The following LINGO2 variants were observed in gnomAD, a reference collection of about 807,000 sequenced individuals.
LINGO2 encodes the protein leucine-rich repeat and immunoglobulin-like domain-containing nogo receptor-interacting protein 2.
In LINGO2, 14 loss-of-function variants were observed where a neutral mutation model predicts 30.6. That is an observed-to-expected ratio of 0.46 (90% CI 0.30 to 0.72). The LOEUF (loss-of-function observed/expected upper bound fraction) is 0.72, where lower values mean the gene tolerates loss of function less well. LINGO2 is among the 30% of genes least tolerant of loss of function. The pLI is 0.07. For synonymous variants in LINGO2, 317 were observed against 288.5 expected (o/e 1.10, Z -1.00); for missense variants, 729 against 751.7 (o/e 0.97, Z 0.35).
chr9:28,553,596 T>C (rs1280793282), intron 1 of LINGO2, among the ~76,000 whole-genome samples: 2 of 152,078 alleles, frequency 1.3e-5, no homozygotes, highest in African/African-American at 2.4e-5. Context: ...CCAGGAGAAC[T>C]TCCTCAACCT....
At chr9:27,979,723 T>G (rs1820765892) in intron 5 of LINGO2, among the ~76,000 whole-genome samples, 2 of 152,048 alleles carry the variant, frequency 1.3e-5, no homozygotes, top group Admixed American at 6.6e-5. Context: ...GGAAGAGCAT[T>G]CCACTGGGAT....
At chr9:28,588,444 C>T (rs1824681575) in intron 1 of LINGO2, among the ~76,000 whole-genome samples, 1 of 151,826 alleles carries the variant, frequency 6.6e-6, no homozygotes, top group Non-Finnish European at 1.5e-5. Context: ...AAAGGGGCTT[C>T]CTGGAATTAT....
chr9:28,988,518 C>A, the LINGO2 span, among the ~76,000 whole-genome samples: 1 of 151,376 alleles, frequency 6.6e-6, no homozygotes, highest in African/African-American at 2.4e-5. Context: ...TGAATTTAAT[C>A]CATCTACACT....
At chr9:27,969,633 G>A (rs1270195516) in intron 5 of LINGO2, among the ~76,000 whole-genome samples, 1 of 152,052 alleles carries the variant, frequency 6.6e-6, no homozygotes, top group African/African-American at 2.4e-5. Flanking sequence ...AGGACTTGCA[G>A]CAAAGAAGTG....
the LINGO2 span, among the ~76,000 whole-genome samples, chr9:29,067,147 G>A: frequency 6.6e-6 from 1 of 151,726 alleles, no homozygotes; most frequent in African/African-American, 2.4e-5. Flanking sequence ...TATAAATGAG[G>A]GAGAGTATTA....
At chr9:28,714,188 TACACACATACACACACACACATACGCAC>T in the LINGO2 span, among the ~76,000 whole-genome samples, 21 of 73,222 alleles carry the variant, frequency 2.9e-4, no homozygotes, top group East Asian at 2.3e-3. Flanking sequence ...TATATATATA[TACACACATACACACACACACATACGCAC>T]ATATACATAT....
At chr9:29,135,558 C>CAA in the LINGO2 span, among the ~76,000 whole-genome samples, 111 of 108,204 alleles carry the variant, frequency 1.0e-3, no homozygotes, top group South Asian at 1.8e-3. Context: ...ATTCCATCTC[C>CAA]AAAAAAAAAA....
At chr9:27,951,777 G>A (rs968361657) in intron 5 of LINGO2, among the ~76,000 whole-genome samples, 5 of 152,062 alleles carry the variant, frequency 3.3e-5, no homozygotes, top group Admixed American at 6.5e-5. Context: ...AGATAAAGAA[G>A]TATTTCATAA....
chr9:29,145,583 A>G, the LINGO2 span, among the ~76,000 whole-genome samples: 1 of 152,198 alleles, frequency 6.6e-6, no homozygotes, highest in African/African-American at 2.4e-5. Context: ...ATTAAATTTT[A>G]GCCTAAGCCA....
the LINGO2 span, among the ~76,000 whole-genome samples, chr9:28,748,521 G>C: frequency 6.6e-6 from 1 of 151,898 alleles, no homozygotes; most frequent in Non-Finnish European, 1.5e-5. Flanking sequence ...TTTTGTTATT[G>C]AGAGTGGAAG....
At chr9:28,202,855 A>G (rs1020493268) in intron 4 of LINGO2, among the ~76,000 whole-genome samples, 1 of 152,198 alleles carries the variant, frequency 6.6e-6, no homozygotes, top group African/African-American at 2.4e-5. Context: ...TCAAACTTCC[A>G]GTAAACAAGT....
At chr9:28,937,306 ATTTG>A in the LINGO2 span, among the ~76,000 whole-genome samples, 1 of 152,144 alleles carries the variant, frequency 6.6e-6, no homozygotes, top group South Asian at 2.1e-4. Flanking sequence ...AGCATTTGAA[ATTTG>A]TTTGTGAATA....
the LINGO2 span, among the ~76,000 whole-genome samples, chr9:28,878,740 C>T: frequency 6.6e-6 from 1 of 152,124 alleles, no homozygotes; most frequent in African/African-American, 2.4e-5. Flanking sequence ...ACAAAAACCA[C>T]ATGATTATCT....
the LINGO2 span, among the ~76,000 whole-genome samples, chr9:28,887,242 T>G: frequency 1.3e-5 from 2 of 152,126 alleles, no homozygotes; most frequent in Admixed American, 6.6e-5. Context: ...AGTTCCATGT[T>G]ATTGATCTAC....
At chr9:29,047,705 A>C in the LINGO2 span, among the ~76,000 whole-genome samples, 1 of 152,210 alleles carries the variant, frequency 6.6e-6, no homozygotes, top group Non-Finnish European at 1.5e-5. Context: ...AGATTATATG[A>C]TCTTATATTT....
chr9:28,843,862 C>T, the LINGO2 span, among the ~76,000 whole-genome samples: 3 of 151,782 alleles, frequency 2.0e-5, no homozygotes, highest in Admixed American at 2.0e-4. Context: ...ATAGTGGAAT[C>T]AGAACGATTT....
chr9:28,325,840 A>T (rs966690779), intron 3 of LINGO2, among the ~76,000 whole-genome samples: 4 of 152,120 alleles, frequency 2.6e-5, no homozygotes, highest in Non-Finnish European at 4.4e-5. Context: ...AGTACCCTCC[A>T]GTACTATCCT....
the LINGO2 span, among the ~76,000 whole-genome samples, chr9:28,883,383 A>T: frequency 1.3e-5 from 2 of 151,326 alleles, no homozygotes; most frequent in Non-Finnish European, 2.9e-5. Context: ...CTTTAACCTC[A>T]GGTTGTTTAC....
At chr9:28,268,761 C>T (rs997443848) in intron 4 of LINGO2, among the ~76,000 whole-genome samples, 1 of 152,062 alleles carries the variant, frequency 6.6e-6, no homozygotes, top group Non-Finnish European at 1.5e-5. Context: ...GTCTATTAAA[C>T]TAGAACATGC....
Sources: allele counts gnomAD v4.1 joint callset (sites outside exome capture counted in the v4.1 genomes callset), GRCh38; gene constraint gnomAD v4.1.1; transcripts MANE v1.5; gene names NCBI Gene and HGNC (gene_info 2026-07-23, HGNC 2026-07-21).